The following RPH3AL variants were observed in gnomAD, a reference collection of about 807,000 sequenced individuals.
RPH3AL encodes the protein rab effector Noc2.
Under a neutral mutation model 43.1 loss-of-function variants are expected in RPH3AL, and 38 were observed. The observed-to-expected ratio is 0.88, with a 90% CI of 0.68 to 1.15. The LOEUF (loss-of-function observed/expected upper bound fraction) is 1.15. RPH3AL is among the 50% of genes most tolerant of loss of function. The pLI is 0.00. For missense variants in RPH3AL, 462 were observed against 423.2 expected (o/e 1.09, Z -0.81); for synonymous variants, 189 against 176.3 (o/e 1.07, Z -0.57).
At chr17:271,245 A>C (rs1396743040) in intron 6 of RPH3AL, among the ~76,000 whole-genome samples, 1 of 152,182 alleles carries the variant, frequency 6.6e-6, no homozygotes, top group Admixed American at 6.5e-5. Context: ...CTTAGAATTG[A>C]CTTGGCAATG....
chr17:240,581 C>T (rs941326143), intron 7 of RPH3AL, among the ~76,000 whole-genome samples: 2 of 152,170 alleles, frequency 1.3e-5, no homozygotes, highest in East Asian at 3.9e-4. Flanking sequence ...TCTTCCACTT[C>T]GCATGGTGTT....
At chr17:329,178 T>C (rs993553347) in intron 2 of RPH3AL, among the ~76,000 whole-genome samples, 1 of 152,070 alleles carries the variant, frequency 6.6e-6, no homozygotes, top group African/African-American at 2.4e-5. Context: ...AAATGAATTA[T>C]AACTCATTCA....
intron 6 of RPH3AL, among the ~76,000 whole-genome samples, chr17:263,017 C>T (rs991620125): frequency 2.6e-5 from 4 of 152,198 alleles, no homozygotes; most frequent in Non-Finnish European, 4.4e-5. Flanking sequence ...CTTCCAATGA[C>T]ATTAGCCTCT....
intron 6 of RPH3AL, among the ~76,000 whole-genome samples, chr17:279,560 G>A (rs911115416): frequency 1.3e-5 from 2 of 152,170 alleles, no homozygotes; most frequent in Non-Finnish European, 2.9e-5. Flanking sequence ...GACTGTTACG[G>A]AGTGTGAGGG....
chr17:259,074 G>A (rs2042139330), intron 6 of RPH3AL, among the ~76,000 whole-genome samples: 1 of 152,150 alleles, frequency 6.6e-6, no homozygotes, highest in Non-Finnish European at 1.5e-5. Context: ...AGCACCCGAT[G>A]GATCATTCCC....
intron 5 of RPH3AL, among the ~76,000 whole-genome samples, chr17:316,688 G>GC (rs150472602): frequency 0.19 from 946 of 4,998 alleles, no homozygotes; most frequent in South Asian, 0.23. Context: ...CAGTCCCTGT[G>GC]CCCCACCTCC....
At position 283,351 on chromosome 17, in the gene RPH3AL, G is replaced by A. The variant is rs928053855; in HGVS notation, c.352-1497C>T. 6.6e-6 allele frequency among the ~76,000 whole-genome samples: 1 copy of A among 152,188 alleles called. No individual in the cohort carries two copies. Among genetic ancestry groups the A allele is most frequent in the Non-Finnish European group, 1.5e-5 (1 of 68,028 alleles). ...CCGAGCTCAGTGCCCCTGGGGTGGGGGAGCAAACTCACGGGGGACGGAAGC... is the reference window on the plus strand; with the variant it reads ...CCGAGCTCAGTGCCCCTGGGGTGGGAGAGCAAACTCACGGGGGACGGAAGC... On this transcript the variant is annotated intron_variant, in intron 5 of 9. Transcript: ENST00000331302. The surrounding 1 kb of genome is among the most constrained non-coding windows in gnomAD (Gnocchi z 4.2).
At chr17:277,863 G>A (rs1307342960) in intron 6 of RPH3AL, among the ~76,000 whole-genome samples, 3 of 152,108 alleles carry the variant, frequency 2.0e-5, no homozygotes, top group African/African-American at 7.2e-5. Context: ...GCTGAGGGGG[G>A]AGGGTTGTTT....
At chr17:288,903 C>T (rs1159683288) in intron 5 of RPH3AL, among the ~76,000 whole-genome samples, 2 of 151,100 alleles carry the variant, frequency 1.3e-5, no homozygotes, top group East Asian at 3.9e-4. Flanking sequence ...TCTCTCTCCA[C>T]CGTCAGACCT....
intron 7 of RPH3AL, among the ~76,000 whole-genome samples, chr17:232,361 C>T (rs2041249105): frequency 6.6e-6 from 1 of 152,324 alleles, no homozygotes; most frequent in South Asian, 2.1e-4. Flanking sequence ...CAATGAGCAC[C>T]CGTGTCATCT....
In RPH3AL at chr17:333,913, T is replaced by G. The variant is rs1191123271; in HGVS notation, c.-191A>C. ...AATCTGCGGATCTCCAATTAGATGG[T>G]TTCAATAAGGCAGACGATCCTCTAT... On this transcript the variant is annotated 5_prime_UTR_variant, in exon 2 of 10. Transcript: ENST00000331302. The surrounding 1 kb of genome is among the most constrained non-coding windows in gnomAD (Gnocchi z 4.5). 1 of 152,712 alleles carries G rather than the reference T, an allele frequency of 6.5e-6. No individual in the cohort carries two copies. Among genetic ancestry groups the G allele is most frequent in the East Asian group, 1.9e-4 (1 of 5,204 alleles). The allele number at this position is 152,712 out of a possible 1,614,324, so 9.5% of individuals were successfully genotyped here. A position where few individuals can be genotyped will look rare whatever the true frequency, so the allele number is the denominator to read the frequency against.
chr17:237,922 C>G (rs2151525118), intron 7 of RPH3AL, among the ~76,000 whole-genome samples: 1 of 152,186 alleles, frequency 6.6e-6, no homozygotes, highest in Non-Finnish European at 1.5e-5. Flanking sequence ...CTGAGCCAGA[C>G]AGATGACTTG....
chr17:335,799 C>A (rs576961069), intron 1 of RPH3AL: 1 of 152,212 alleles, frequency 6.6e-6, no homozygotes, highest in Non-Finnish European at 1.5e-5. Context: ...CTGGAGGCTT[C>A]GCAGGTGGCG....
At chr17:319,581 G>A (rs1378793083) in intron 4 of RPH3AL, 32 bp from the exon 5 acceptor site, 4 of 1,606,062 alleles carry the variant, frequency 2.5e-6, no homozygotes, top group Admixed American at 1.7e-5. Context: ...CAGAGGGACT[G>A]TGCTTCCTGC....
rs372761475 is a variant in RPH3AL, at chr17:258,757, G to GTTT, written c.439-11475_439-11473dup. 1.8e-3 allele frequency among the ~76,000 whole-genome samples: 179 copies of GTTT among 98,726 alleles called. 44 individuals carry two copies. The highest frequency in any genetic ancestry group is 7.8e-3 in the South Asian group (25 of 3,208). 64.8% of individuals were successfully genotyped at this position (98,726 alleles called of 152,430 possible). A position where few individuals can be genotyped will look rare whatever the true frequency, so the allele number is the denominator to read the frequency against. On this transcript the variant is annotated intron_variant, in intron 6 of 9. Coordinates refer to ENST00000331302, the MANE Select transcript of RPH3AL (RefSeq NM_006987.4). ...TCAGCCATTTTGGGATAGTCAACCCGTTTTTTTTTTTTTTTTTTTTTGAGA... is the reference window on the plus strand; with the variant it reads ...TCAGCCATTTTGGGATAGTCAACCCGTTTTTTTTTTTTTTTTTTTTTTTTGAGA...
intron 6 of RPH3AL, among the ~76,000 whole-genome samples, chr17:272,186 G>C (rs974213626): frequency 6.6e-6 from 1 of 152,174 alleles, no homozygotes; most frequent in South Asian, 2.1e-4. Context: ...CCATTGTGGA[G>C]GACAGTGTGG....
At chr17:309,923 C>T (rs1567636654) in intron 5 of RPH3AL, among the ~76,000 whole-genome samples, 2 of 152,188 alleles carry the variant, frequency 1.3e-5, no homozygotes. Flanking sequence ...CTGAGCTGGA[C>T]CTCCTCTAAG....
rs372408536 is a variant in RPH3AL, at chr17:292,188, G to A, written c.352-10334C>T. Reference sequence around the variant, plus strand: ...TCCCAGATGGTGTCCCCGGGTCACCGGCCCCTCCGATCATAAGCTCAGCCC... The same window carrying A: ...TCCCAGATGGTGTCCCCGGGTCACCAGCCCCTCCGATCATAAGCTCAGCCC... On this transcript the variant is annotated intron_variant, in intron 5 of 9. Transcript: ENST00000331302. Among the ~76,000 whole-genome samples the A allele has an allele frequency of 1.1e-4, 17 of 152,166 alleles. No individual in the cohort carries two copies. In the East Asian group the frequency reaches 2.5e-3, roughly 23 times the overall value.
At chr17:297,543 G>A (rs1054547015) in intron 5 of RPH3AL, among the ~76,000 whole-genome samples, 2 of 152,240 alleles carry the variant, frequency 1.3e-5, no homozygotes, top group African/African-American at 4.8e-5. Flanking sequence ...AGAATGTGCT[G>A]CGGATCGGGC....
Sources: gnomAD v4.1 joint callset for allele counts (sites outside exome capture counted in the v4.1 genomes callset) on GRCh38, gnomAD v4.1.1 for gene constraint, Gnocchi (gnomAD v3.1) non-coding constraint, MANE v1.5 for transcripts, NCBI Gene and HGNC (gene_info 2026-07-23, HGNC 2026-07-21) for gene names.